Variants in SLC35D3 observed in about 807,000 individuals in gnomAD.
SLC35D3 encodes the protein solute carrier family 35 member D3.
SLC35D3 carries 18 observed loss-of-function variants against 20.3 expected under a neutral mutation model. The observed-to-expected ratio is 0.89, with a 90% CI of 0.61 to 1.32. The LOEUF is 1.32. SLC35D3 is among the 40% of genes most tolerant of loss of function. SLC35D3 has a pLI of 0.00. For synonymous variants in SLC35D3, 313 were observed against 263.5 expected, an observed-to-expected ratio of 1.19 and a Z score of -1.82; for missense variants, 556 against 565.5, an observed-to-expected ratio of 0.98 and a Z score of 0.17.
rs1776089206 is a variant in SLC35D3, at chr6:136,923,465, G to A, written c.440-420G>A. Among the ~76,000 whole-genome samples, 2 of 152,204 alleles carry A rather than the reference G, an allele frequency of 1.3e-5. No homozygotes were observed. Among genetic ancestry groups the A allele is most frequent in the Admixed American group, 1.3e-4 (2 of 15,286 alleles). ...TTCTCCCCCGCGCCTGGCCCGCTCC[G>A]GGTTGCAGGCCACTGGCTGGGGCTC... On this transcript the variant is annotated intron_variant, in intron 1 of 1. Transcript: ENST00000331858. The surrounding 1 kb of genome is among the most constrained non-coding windows in gnomAD (Gnocchi z 6.2).
Position 136,924,616 on chromosome 6 carries a change from G to T in SLC35D3, c.1171G>T (p.Glu391Ter). 6.2e-7 allele frequency: 1 copy of T among 1,614,120 alleles called. No homozygotes were observed. The highest frequency in any genetic ancestry group is 8.5e-7 in the Non-Finnish European group (1 of 1,180,026). ...GAGGTCGTTAAAAGATGCTTACCTCGAGGTATGGAGGTTGGTTAGGGGAAC... is the reference window on the plus strand; with the variant it reads ...GAGGTCGTTAAAAGATGCTTACCTCTAGGTATGGAGGTTGGTTAGGGGAAC... ...SRRSLKDAYL[E>*]VWRLVRGTRY... The change falls in exon 2 of 2, where the codon GAG becomes TAG. Residue 391 changes from glutamate (E) to a stop codon, truncating the protein, a stop_gained. Coordinates refer to ENST00000331858, the MANE Select transcript of SLC35D3 (RefSeq NM_001008783.3). LOFTEE classifies it high-confidence loss of function.
rs1396848906 is a variant in SLC35D3, at chr6:136,925,622, ATGAGTC to A, written c.*928_*933del. On this transcript the variant is annotated 3_prime_UTR_variant, in exon 2 of 2. Coordinates refer to ENST00000331858, the MANE Select transcript of SLC35D3 (RefSeq NM_001008783.3). Reference sequence around the variant, plus strand: ...TATCTTAAATTTGTCAAAATAAAGTATGAGTCTAACTATTAAAGGATACATTGTTAG... The same window carrying A: ...TATCTTAAATTTGTCAAAATAAAGTATAACTATTAAAGGATACATTGTTAG... 1.5e-4 allele frequency: 23 copies of A among 152,350 alleles called. 1 individual carries two copies. Among genetic ancestry groups the A allele is most frequent in the Admixed American group, 1.5e-3 (23 of 15,304 alleles). The allele number at this position is 152,350 out of a possible 1,614,324, so 9.4% of individuals were successfully genotyped here.
chr6:136,924,560 T>C lies in SLC35D3; in HGVS notation c.1115T>C (p.Leu372Pro). The change falls in exon 2 of 2, where the codon CTG (leucine) becomes CCG (proline). Residue 372 changes from leucine (L) to proline (P), a missense_variant. Transcript: ENST00000331858. ...AGGGGCAGCCCCCGAGGAGTCCCGCTGGTGGCTGGGAGCTCTGAAGAAGGG... is the reference window on the plus strand; with the variant it reads ...AGGGGCAGCCCCCGAGGAGTCCCGCCGGTGGCTGGGAGCTCTGAAGAAGGG... Reference protein sequence around the residue: ...EVRGSPRGVPLVAGSSEEGSR... With the variant: ...EVRGSPRGVPPVAGSSEEGSR... 6.2e-7 allele frequency: 1 copy of C among 1,613,682 alleles called. No individual in the cohort carries two copies. Among genetic ancestry groups the C allele is most frequent in the Admixed American group, 1.7e-5 (1 of 60,014 alleles).
Position 136,924,120 on chromosome 6 carries a change from G to A in SLC35D3, c.675G>A (p.Met225Ile), listed in dbSNP as rs1219107685. 6.2e-7 allele frequency: 1 copy of A among 1,612,688 alleles called. No individual in the cohort carries two copies. Among genetic ancestry groups the A allele is most frequent in the African/African-American group, 1.3e-5 (1 of 74,944 alleles). ...WTFPGWKDPA[M>I]VCIFVACILI... ...TCCCGGGCTGGAAGGACCCGGCCAT[G>A]GTCTGCATCTTCGTGGCCTGCATCC... Residue 225 changes from methionine (M) to isoleucine (I), a missense_variant, in exon 2 of 2, where the codon ATG becomes ATA. Physicochemically the swap from Met to Ile is conservative, Grantham distance 10 (BLOSUM62 1). Coordinates refer to ENST00000331858, the MANE Select transcript of SLC35D3 (RefSeq NM_001008783.3).
rs781699437 is a variant in SLC35D3 at position 136,924,478 on chromosome 6, C to T, written c.1033C>T (p.Arg345Trp). ...GCTGCCCGGGGAGGGAGGAAATGGC[C>T]GGTCAGAAGGTGGGGAGGCAGCAGG... ...EELPGEGGNG[R>W]SEGGEAAGGP... Residue 345 changes from arginine (R) to tryptophan (W), a missense_variant, in exon 2 of 2, where the codon CGG becomes TGG. By Grantham distance (101) the Arg-to-Trp change is moderately radical (BLOSUM62 -3). Transcript: ENST00000331858. 2.5e-6 allele frequency: 4 copies of T among 1,613,530 alleles called. No individual in the cohort carries two copies. Among genetic ancestry groups the T allele is most frequent in the East Asian group, 4.5e-5 (2 of 44,870 alleles).
At position 136,923,085 on chromosome 6, in the gene SLC35D3, A is replaced by G. The variant is rs1330687499; in HGVS notation, c.439+218A>G. Reference sequence around the variant, plus strand: ...CCCCACCAAGTCCCCCTGCCCCCTAATGTCCTGGCTTCCGACCCTCGCCCA... The same window carrying G: ...CCCCACCAAGTCCCCCTGCCCCCTAGTGTCCTGGCTTCCGACCCTCGCCCA... On this transcript the variant is annotated intron_variant, in intron 1 of 1. Transcript: ENST00000331858. The surrounding 1 kb of genome is among the most constrained non-coding windows in gnomAD (Gnocchi z 6.2). Among the ~76,000 whole-genome samples, 1 of 151,236 alleles carries G rather than the reference A, an allele frequency of 6.6e-6. No homozygotes were observed. Among genetic ancestry groups the G allele is most frequent in the African/African-American group, 2.4e-5 (1 of 41,140 alleles).
Position 136,922,909 on chromosome 6 carries a change from C to A in SLC35D3, c.439+42C>A. On this transcript the variant is annotated intron_variant, in intron 1 of 1. Coordinates refer to ENST00000331858, the MANE Select transcript of SLC35D3 (RefSeq NM_001008783.3). The surrounding 1 kb of genome is among the most constrained non-coding windows in gnomAD (Gnocchi z 6.8). ...GCCGACCCCCAGCCGACCCCACCCA[C>A]CCCGCTCCGTCGGGCAGAGACCGCG... 6 of 1,480,252 alleles carry A rather than the reference C, an allele frequency of 4.1e-6. No homozygotes were observed. Among genetic ancestry groups the A allele is most frequent in the Non-Finnish European group, 5.3e-6 (6 of 1,123,292 alleles). The allele number at this position is 1,480,252 out of a possible 1,614,324, so 91.7% of individuals were successfully genotyped here.
chr6:136,923,481 G>T lies in SLC35D3; in HGVS notation c.440-404G>T, dbSNP rs986831972. On this transcript the variant is annotated intron_variant, in intron 1 of 1. Coordinates refer to ENST00000331858, the MANE Select transcript of SLC35D3 (RefSeq NM_001008783.3). The surrounding 1 kb of genome is among the most constrained non-coding windows in gnomAD (Gnocchi z 6.2). ...GCCCGCTCCGGGTTGCAGGCCACTG[G>T]CTGGGGCTCCCTCTCCCTTTGGTGC... Among the ~76,000 whole-genome samples, 1 of 152,210 alleles carries T rather than the reference G, an allele frequency of 6.6e-6. No individual in the cohort carries two copies. The highest frequency in any genetic ancestry group is 1.5e-5 in the Non-Finnish European group (1 of 68,026).
At position 136,923,410 on chromosome 6, in the gene SLC35D3, G is replaced by C. The variant is rs1353736103; in HGVS notation, c.440-475G>C. Among the ~76,000 whole-genome samples the C allele has an allele frequency of 1.3e-5, 2 of 152,178 alleles. No homozygotes were observed. The highest frequency in any genetic ancestry group is 2.9e-5 in the Non-Finnish European group (2 of 68,020). ...TGAGCGAGACGAGAGCCTGGGCAGG[G>C]GGAAGCTTCACTGGGGGCCAGAACA... On this transcript the variant is annotated intron_variant, in intron 1 of 1. Coordinates refer to ENST00000331858, the MANE Select transcript of SLC35D3 (RefSeq NM_001008783.3). The surrounding 1 kb of genome is among the most constrained non-coding windows in gnomAD (Gnocchi z 6.2).
At position 136,924,545 on chromosome 6, in the gene SLC35D3, C is replaced by T. The variant is rs201799622; in HGVS notation, c.1100C>T (p.Pro367Leu). The change falls in exon 2 of 2, where the codon CCC (proline) becomes CTC (leucine). Residue 367 changes from proline (P) to leucine (L), a missense_variant. Physicochemically the swap from Pro to Leu is moderately conservative, Grantham distance 98. Coordinates refer to ENST00000331858, the MANE Select transcript of SLC35D3 (RefSeq NM_001008783.3). ...QESRQEVRGS[P>L]RGVPLVAGSS... ...AGCAGGCAAGAGGTCAGGGGCAGCC[C>T]CCGAGGAGTCCCGCTGGTGGCTGGG... 20 of 1,613,380 alleles carry T rather than the reference C, an allele frequency of 1.2e-5. No individual in the cohort carries two copies. The Admixed American group carries it at 3.0e-4, about 24-fold the overall frequency.
chr6:136,922,548 C>T lies in SLC35D3; in HGVS notation c.120C>T (p.Phe40=). 1 of 1,612,702 alleles carries T rather than the reference C, an allele frequency of 6.2e-7. No homozygotes were observed. Residue 40 remains phenylalanine (F), a synonymous_variant, in exon 1 of 2, where the codon TTC becomes TTT. Coordinates refer to ENST00000331858, the MANE Select transcript of SLC35D3 (RefSeq NM_001008783.3). This position sits in a 1 kb window ranked among gnomAD's most constrained non-coding sequence, Gnocchi z 6.8. The stretch of plus-strand genomic sequence containing the variant: ...TCATCAGCCGCTACCAGTTCTCCTT[C>T]CTGACCCTGGTGCAGTGCCTGACCA... The part of the protein sequence containing the change: ...KFLISRYQFS[F]LTLVQCLTSS...
rs13437457 is a variant in SLC35D3, at chr6:136,924,186, C to T, written c.741C>T (p.Thr247=). 5.0e-6 allele frequency: 8 copies of T among 1,613,488 alleles called. No homozygotes were observed. In the East Asian group the frequency reaches 1.6e-4, roughly 31 times the overall value. ...TGAACTTCACCACGCTGCACTGCAC[C>T]TACATCAATTCGGCCGTGACCACCA... ...CAMNFTTLHC[T]YINSAVTTSF... Residue 247 remains threonine, a synonymous_variant, in exon 2 of 2, where the codon ACC becomes ACT. Transcript: ENST00000331858.
In SLC35D3 at chr6:136,922,833, G is replaced by A. The variant is rs1276998763; in HGVS notation, c.405G>A (p.Ala135=). The part of the protein sequence containing the change: ...NGAPSPGVLA[A]VLITTCGAAL... ...CGCCCTCGCCAGGGGTGCTGGCGGC[G>A]GTGCTCATCACCACCTGCGGCGCCG... Residue 135 remains alanine, a synonymous_variant, in exon 1 of 2, where the codon GCG becomes GCA. Coordinates refer to ENST00000331858, the MANE Select transcript of SLC35D3 (RefSeq NM_001008783.3). The surrounding 1 kb of genome is among the most constrained non-coding windows in gnomAD (Gnocchi z 6.8). The A allele has an allele frequency of 1.9e-6, 3 of 1,551,038 alleles. No homozygotes were observed. The highest frequency in any genetic ancestry group is 2.4e-5 in the East Asian group (1 of 41,612).
At position 136,924,329 on chromosome 6, in the gene SLC35D3, T is replaced by G; in HGVS notation, c.884T>G (p.Ile295Ser). Residue 295 changes from isoleucine (I) to serine (S), a missense_variant, in exon 2 of 2, where the codon ATC (isoleucine) becomes AGC (serine). By Grantham distance (142) the Ile-to-Ser change is moderately radical (BLOSUM62 -2). Coordinates refer to ENST00000331858, the MANE Select transcript of SLC35D3 (RefSeq NM_001008783.3). ...AGVVVNTLGS[I>S]IYCVAKFMET... is the part of the protein sequence containing the mutation. The stretch of plus-strand genomic sequence containing the variant: ...GTGGTGGTGAACACCCTGGGCTCTA[T>G]CATTTACTGTGTGGCCAAGTTCATG... The G allele has an allele frequency of 6.2e-7, 1 of 1,614,150 alleles. No individual in the cohort carries two copies. The highest frequency in any genetic ancestry group is 8.5e-7 in the Non-Finnish European group (1 of 1,180,052).
Position 136,923,764 on chromosome 6 carries a change from C to T in SLC35D3, c.440-121C>T. The T allele has an allele frequency of 1.0e-6, 1 of 976,868 alleles. No individual in the cohort carries two copies. The highest frequency in any genetic ancestry group is 2.7e-5 in the East Asian group (1 of 37,696). 60.5% of individuals were successfully genotyped at this position (976,868 alleles called of 1,614,324 possible). ...GAATCCGGTGGGCAGAGCTGGGGCG[C>T]GAACCCAGTCTCCTTTCCTACCCGA... On this transcript the variant is annotated intron_variant, in intron 1 of 1. Transcript: ENST00000331858. The surrounding 1 kb of genome is among the most constrained non-coding windows in gnomAD (Gnocchi z 6.2).
rs749426592 is a variant in SLC35D3 at position 136,922,460 on chromosome 6, G to A, written c.32G>A (p.Gly11Asp). Residue 11 changes from glycine (G) to aspartate (D), a missense_variant, in exon 1 of 2, where the codon GGC becomes GAC. Transcript: ENST00000331858. The surrounding 1 kb of genome is among the most constrained non-coding windows in gnomAD (Gnocchi z 6.8). ...CAGCTGTGCCGGGGCCGCGTGCTGGGCATCTCGGTGGCCATCGCGCACGGG... is the reference window on the plus strand; with the variant it reads ...CAGCTGTGCCGGGGCCGCGTGCTGGACATCTCGGTGGCCATCGCGCACGGG... MRQLCRGRVLGISVAIAHGVF... is the reference protein window; with the variant it reads MRQLCRGRVLDISVAIAHGVF... 1 of 1,602,806 alleles carries A rather than the reference G, an allele frequency of 6.2e-7. No individual in the cohort carries two copies. Among genetic ancestry groups the A allele is most frequent in the Non-Finnish European group, 8.5e-7 (1 of 1,176,308 alleles).
rs1192390766 is a variant in SLC35D3, at chr6:136,923,177, G to A, written c.439+310G>A. Among the ~76,000 whole-genome samples the A allele has an allele frequency of 6.6e-6, 1 of 152,124 alleles. No individual in the cohort carries two copies. The highest frequency in any genetic ancestry group is 1.5e-5 in the Non-Finnish European group (1 of 68,018). ...GTCTTCCCCTGTCACCCCATTCTCC[G>A]GGAGAGGTGGGAGGGCCGCCTGAGC... On this transcript the variant is annotated intron_variant, in intron 1 of 1. Coordinates refer to ENST00000331858, the MANE Select transcript of SLC35D3 (RefSeq NM_001008783.3). The surrounding 1 kb of genome is among the most constrained non-coding windows in gnomAD (Gnocchi z 6.2).
chr6:136,922,384 A>G lies in SLC35D3; in HGVS notation c.-45A>G, dbSNP rs993081571. ...CCGCTGCTCCCGGCTCCTCGCGCGC[A>G]GGTCGCGGAGCTCCGCCACCGCTGG... On this transcript the variant is annotated 5_prime_UTR_variant, in exon 1 of 2. Coordinates refer to ENST00000331858, the MANE Select transcript of SLC35D3 (RefSeq NM_001008783.3). The surrounding 1 kb of genome is among the most constrained non-coding windows in gnomAD (Gnocchi z 6.8). 2 of 1,384,414 alleles carry G rather than the reference A, an allele frequency of 1.4e-6. No homozygotes were observed. The highest frequency in any genetic ancestry group is 1.5e-5 in the African/African-American group (1 of 65,162). 85.8% of individuals were successfully genotyped at this position (1,384,414 alleles called of 1,614,324 possible).
chr6:136,922,900 C>T lies in SLC35D3; in HGVS notation c.439+33C>T, dbSNP rs867888549. ...GGCCCCCGCGCCGACCCCCAGCCGA[C>T]CCCACCCACCCCGCTCCGTCGGGCA... On this transcript the variant is annotated intron_variant, in intron 1 of 1. Coordinates refer to ENST00000331858, the MANE Select transcript of SLC35D3 (RefSeq NM_001008783.3). This position sits in a 1 kb window ranked among gnomAD's most constrained non-coding sequence, Gnocchi z 6.8. 1 of 1,488,184 alleles carries T rather than the reference C, an allele frequency of 6.7e-7. No homozygotes were observed. The highest frequency in any genetic ancestry group is 8.9e-7 in the Non-Finnish European group (1 of 1,126,926). 92.2% of individuals were successfully genotyped at this position (1,488,184 alleles called of 1,614,324 possible).
Sources: gnomAD v4.1 joint callset for allele counts (sites outside exome capture counted in the v4.1 genomes callset) on GRCh38, gnomAD v4.1.1 for gene constraint, Gnocchi (gnomAD v3.1) non-coding constraint, MANE v1.5 for transcripts, NCBI Gene and HGNC (gene_info 2026-07-23, HGNC 2026-07-21) for gene names.